Variants in FGF14 observed in about 807,000 individuals in gnomAD.
FGF14 encodes fibroblast growth factor 14.
In FGF14, 5 loss-of-function variants were observed where a neutral mutation model predicts 25.5. The ratio of observed to expected loss-of-function variants is 0.20; its 90% confidence interval spans 0.10 to 0.41. FGF14 has a LOEUF of 0.41. Among genes scored for constraint, FGF14 ranks in the 10% least tolerant of loss-of-function variants. The pLI is 1.00. For missense variants in FGF14, 222 were observed against 320.1 expected, an observed-to-expected ratio of 0.69 and a Z score of 2.34; for synonymous variants, 138 against 118.3, an observed-to-expected ratio of 1.17 and a Z score of -1.08.
intron 1 of FGF14, among the ~76,000 whole-genome samples, chr13:102,366,961 T>C (rs905468331): frequency 1.3e-5 from 2 of 152,194 alleles, no homozygotes; most frequent in Non-Finnish European, 2.9e-5. Context: ...CTCATTTAGC[T>C]AACTTAAAAA....
chr13:101,880,424 G>A (rs1416959741), intron 1 of FGF14, among the ~76,000 whole-genome samples: 4 of 152,032 alleles, frequency 2.6e-5, no homozygotes, highest in Non-Finnish European at 5.9e-5. Context: ...AAAATTAGCC[G>A]GGCATGGTGG....
Position 101,720,568 on chromosome 13 carries a change from ATGTG to A in FGF14, c.*2259_*2262del, listed in dbSNP as rs1173322733. 7.3e-6 allele frequency: 1 copy of A among 137,180 alleles called. No individual in the cohort carries two copies. The highest frequency in any genetic ancestry group is 1.5e-5 in the Non-Finnish European group (1 of 64,802). The allele number at this position is 137,180 out of a possible 1,614,324, so 8.5% of individuals were successfully genotyped here. On this transcript the variant is annotated 3_prime_UTR_variant, in exon 5 of 5. Transcript: ENST00000376143. ...TGTGTGTGTGTGTGTGTGTGTGTAT[ATGTG>A]TGTGTTTGTGTGAAGTGAAGTGTTG...
In FGF14 at chr13:102,139,920, C is replaced by T. The variant is rs763947396; in HGVS notation, c.208+261551G>A. Among the ~76,000 whole-genome samples the T allele has an allele frequency of 3.9e-4, 60 of 152,094 alleles. 1 individual carries two copies. The highest frequency in any genetic ancestry group is 4.6e-4 in the Non-Finnish European group (31 of 68,010). On this transcript the variant is annotated intron_variant, in intron 1 of 4. Transcript: ENST00000376131. Reference sequence around the variant, plus strand: ...GGGTGCCTGATATACCAGATATTTTCATTGTCATGTAATTGTTTTGCATGA... The same window carrying T: ...GGGTGCCTGATATACCAGATATTTTTATTGTCATGTAATTGTTTTGCATGA...
intron 1 of FGF14, among the ~76,000 whole-genome samples, chr13:102,230,887 A>C (rs1315510490): frequency 3.9e-5 from 6 of 152,254 alleles, no homozygotes; most frequent in African/African-American, 1.4e-4. Context: ...TATAGGTATC[A>C]TTAACATTCA....
intron 1 of FGF14, among the ~76,000 whole-genome samples, chr13:102,024,311 G>A (rs1404392065): frequency 6.6e-6 from 1 of 151,884 alleles, no homozygotes; most frequent in East Asian, 1.9e-4. Flanking sequence ...TTTAATTTTG[G>A]TTATCCTAGG....
chr13:102,382,479 G>C (rs766277276), intron 1 of FGF14, among the ~76,000 whole-genome samples: 5 of 152,042 alleles, frequency 3.3e-5, no homozygotes, highest in Non-Finnish European at 7.4e-5. Flanking sequence ...CATAACAAGT[G>C]TTGACAAAGA....
At chr13:102,194,092 T>C (rs948767181) in intron 1 of FGF14, among the ~76,000 whole-genome samples, 1 of 152,118 alleles carries the variant, frequency 6.6e-6, no homozygotes, top group East Asian at 1.9e-4. Context: ...CAACTTAACA[T>C]ATAAATTATT....
intron 1 of FGF14, among the ~76,000 whole-genome samples, chr13:102,045,526 T>C (rs1375271591): frequency 6.6e-6 from 1 of 152,174 alleles, no homozygotes; most frequent in Non-Finnish European, 1.5e-5. Flanking sequence ...CTGTGATCTC[T>C]ATCATGAAAA....
In FGF14 at chr13:101,856,535, C is replaced by T. The variant is rs75236915; in HGVS notation, c.408+12190G>A. On this transcript the variant is annotated intron_variant, in intron 3 of 4. Coordinates refer to ENST00000376143, the MANE Select transcript of FGF14 (RefSeq NM_004115.4). ...GGCAATATTTAAATAATAATGTGGT[C>T]GAGGCTATGACTTCTTCCAGAGTTG... Among the ~76,000 whole-genome samples, 5 of 151,798 alleles carry T rather than the reference C, an allele frequency of 3.3e-5. No homozygotes were observed. The South Asian group carries it at 6.2e-4, about 19-fold the overall frequency.
chr13:101,859,502 A>G (rs1173931185), intron 3 of FGF14, among the ~76,000 whole-genome samples: 1 of 152,152 alleles, frequency 6.6e-6, no homozygotes, highest in African/African-American at 2.4e-5. Flanking sequence ...AGTACAATAA[A>G]TATTTGCTGA....
chr13:102,296,472 T>A (rs987383183), intron 1 of FGF14, among the ~76,000 whole-genome samples: 2 of 152,086 alleles, frequency 1.3e-5, no homozygotes, highest in African/African-American at 4.8e-5. Context: ...GCCTTGATAA[T>A]CCCTGATGTA....
intron 1 of FGF14, among the ~76,000 whole-genome samples, chr13:102,018,419 T>TA (rs2040458421): frequency 6.6e-6 from 1 of 152,166 alleles, no homozygotes; most frequent in Admixed American, 6.5e-5. Flanking sequence ...TTCCTTCCTC[T>TA]TCCTCCTCTG....
chr13:101,807,917 T>A (rs143837013), intron 3 of FGF14, among the ~76,000 whole-genome samples: 13 of 152,222 alleles, frequency 8.5e-5, no homozygotes, highest in African/African-American at 3.1e-4. Flanking sequence ...GGGTTTTATA[T>A]AGTACAGAAA....
At chr13:102,263,906 G>A (rs1243848745) in intron 1 of FGF14, among the ~76,000 whole-genome samples, 2 of 151,970 alleles carry the variant, frequency 1.3e-5, no homozygotes, top group East Asian at 1.9e-4. Context: ...GAATCAATTC[G>A]AAACTTTATT....
chr13:102,068,367 T>A (rs985985312), intron 1 of FGF14, among the ~76,000 whole-genome samples: 4 of 152,224 alleles, frequency 2.6e-5, no homozygotes, highest in African/African-American at 9.6e-5. Flanking sequence ...GGCTCCCACT[T>A]TGGCGGCACT....
intron 1 of FGF14, among the ~76,000 whole-genome samples, chr13:102,323,258 G>A (rs1012236040): frequency 6.6e-5 from 10 of 152,130 alleles, no homozygotes; most frequent in Admixed American, 3.9e-4. Flanking sequence ...ATTAGTCACA[G>A]ATTTCTCTAA....
chr13:102,303,950 T>C (rs1038474382), intron 1 of FGF14, among the ~76,000 whole-genome samples: 1 of 152,152 alleles, frequency 6.6e-6, no homozygotes, highest in African/African-American at 2.4e-5. Flanking sequence ...AGACAATTAG[T>C]ATATCTTTAT....
chr13:102,262,336 C>T (rs1194182734), intron 1 of FGF14, among the ~76,000 whole-genome samples: 1 of 152,020 alleles, frequency 6.6e-6, no homozygotes, highest in Non-Finnish European at 1.5e-5. Context: ...TCATTATTTC[C>T]TACCTACTAT....
At chr13:102,401,620 TGGTTGC>T in exon 1 of FGF14, 1 of 1,614,168 alleles carries the variant, frequency 6.2e-7, no homozygotes, top group Non-Finnish European at 8.5e-7. Flanking sequence ...GAGATCCTTG[TGGTTGC>T]ATAATAATAA....
Sources: allele counts gnomAD v4.1 joint callset (sites outside exome capture counted in the v4.1 genomes callset), GRCh38; gene constraint gnomAD v4.1.1; transcripts MANE v1.5; gene names NCBI Gene and HGNC (gene_info 2026-07-23, HGNC 2026-07-21).